Variants in EML6 observed in about 807,000 individuals in gnomAD.
The protein encoded by EML6 is echinoderm microtubule-associated protein-like 6.
A neutral mutation model predicts 240.1 loss-of-function variants in EML6; 154 were observed. That is an observed-to-expected ratio of 0.64 (90% CI 0.56 to 0.73). The LOEUF is 0.73. EML6 is among the 30% of genes least tolerant of loss of function. The pLI, the probability that EML6 is intolerant of heterozygous loss-of-function variation, is 0.00. For synonymous variants in EML6, 1,148 were observed against 899.0 expected, an observed-to-expected ratio of 1.28 and a Z score of -4.95; for missense variants, 2,964 against 2,474.6, an observed-to-expected ratio of 1.20 and a Z score of -4.20.
intron 2 of EML6, among the ~76,000 whole-genome samples, chr2:54,790,243 G>C (rs1669358718): frequency 6.6e-6 from 1 of 152,152 alleles, no homozygotes; most frequent in Admixed American, 6.6e-5. Flanking sequence ...TGTGTATGGT[G>C]ACAATTCATC....
chr2:54,730,232 A>T (rs1033481497), intron 2 of EML6, among the ~76,000 whole-genome samples: 23 of 150,970 alleles, frequency 1.5e-4, no homozygotes, highest in South Asian at 4.2e-4. Context: ...GATTTTAATT[A>T]AAAAAAATTA....
At chr2:54,880,615 T>C (rs1218429171) in intron 17 of EML6, 1 of 152,200 alleles carries the variant, frequency 6.6e-6, no homozygotes, top group African/African-American at 2.4e-5. Context: ...GCTGTTGAGA[T>C]TGAATTCTTG....
intron 25 of EML6, among the ~76,000 whole-genome samples, chr2:54,913,348 G>A (rs779595683): frequency 6.6e-6 from 1 of 151,712 alleles, no homozygotes; most frequent in South Asian, 2.1e-4. Flanking sequence ...GCCGGGCTTA[G>A]GTGATCTTCC....
chr2:54,735,298 T>A (rs929302830), intron 2 of EML6, among the ~76,000 whole-genome samples: 1 of 152,254 alleles, frequency 6.6e-6, no homozygotes, highest in African/African-American at 2.4e-5. Flanking sequence ...CATGTGTGTG[T>A]CCCTGTGCCT....
chr2:54,959,531 G>A (rs1676397739), intron 34 of EML6, among the ~76,000 whole-genome samples: 1 of 152,162 alleles, frequency 6.6e-6, no homozygotes, highest in South Asian at 2.1e-4. Flanking sequence ...GGAGGCCAAG[G>A]TGGGCAGATC....
intron 2 of EML6, among the ~76,000 whole-genome samples, chr2:54,811,881 G>C (rs1025156303): frequency 6.6e-6 from 1 of 152,128 alleles, no homozygotes; most frequent in African/African-American, 2.4e-5. Context: ...AAAGTTAAAA[G>C]CTTATAGCAT....
chr2:54,791,295 T>A lies in EML6; in HGVS notation c.198-21937T>A, dbSNP rs559409676. 6.6e-5 allele frequency among the ~76,000 whole-genome samples: 10 copies of A among 152,332 alleles called. No homozygotes were observed. In the East Asian group the frequency reaches 1.2e-3, roughly 18 times the overall value. On this transcript the variant is annotated intron_variant, in intron 2 of 41. Coordinates refer to ENST00000356458, the MANE Select transcript of EML6 (RefSeq NM_001039753.4). ...GCCGGTATGCTCACGCAAGTGGGTC[T>A]TTTTCTCATCTCTTTTGAAGATAAT...
chr2:54,817,388 G>T (rs1572945473), intron 4 of EML6, among the ~76,000 whole-genome samples: 1 of 152,262 alleles, frequency 6.6e-6, no homozygotes, highest in East Asian at 1.9e-4. Flanking sequence ...GATGAAGGGG[G>T]TATATACATA....
intron 24 of EML6, among the ~76,000 whole-genome samples, chr2:54,907,774 A>G (rs1673397343): frequency 6.6e-6 from 1 of 152,188 alleles, no homozygotes; most frequent in South Asian, 2.1e-4. Context: ...TAAAAATGTG[A>G]TTCTGAAAGG....
intron 17 of EML6, chr2:54,881,060 A>G (rs867825360): frequency 6.6e-6 from 1 of 152,206 alleles, no homozygotes; most frequent in African/African-American, 2.4e-5. Flanking sequence ...TAATAACACA[A>G]TTCATATTTG....
intron 2 of EML6, among the ~76,000 whole-genome samples, chr2:54,731,049 G>A (rs1683143012): frequency 6.6e-6 from 1 of 152,200 alleles, no homozygotes; most frequent in Non-Finnish European, 1.5e-5. Flanking sequence ...TTCCAGAGCA[G>A]CTCTCTAGGG....
At chr2:54,765,989 TTC>T (rs1048569322) in intron 2 of EML6, among the ~76,000 whole-genome samples, 26 of 152,276 alleles carry the variant, frequency 1.7e-4, no homozygotes, top group African/African-American at 5.5e-4. Context: ...TGCTTTAATA[TTC>T]TCTCTCTTAT....
In EML6 at chr2:54,952,696, G is replaced by A. The variant is rs911868244; in HGVS notation, c.4312+4G>A. ...GTGGTGGCCACCAGCCAGATAGGTA[G>A]GAGGTCCTGTGGCAGCTGAGGCTCT... is the stretch of plus-strand genomic sequence containing the variant. On this transcript the variant is annotated splice_donor_region_variant and intron_variant, in intron 31 of 41. Transcript: ENST00000356458. The A allele has an allele frequency of 1.5e-5, 23 of 1,547,140 alleles. No individual in the cohort carries two copies. The highest frequency in any genetic ancestry group is 1.9e-5 in the Non-Finnish European group (22 of 1,143,334).
At chr2:54,923,727 T>A (rs1277231740) in intron 26 of EML6, among the ~76,000 whole-genome samples, 1 of 152,132 alleles carries the variant, frequency 6.6e-6, no homozygotes. Context: ...TATATAAACA[T>A]CTCTTATGAA....
At chr2:54,892,921 G>T (rs1210012216) in intron 19 of EML6, among the ~76,000 whole-genome samples, 1 of 152,174 alleles carries the variant, frequency 6.6e-6, no homozygotes, top group African/African-American at 2.4e-5. Flanking sequence ...AGTCCCTTAA[G>T]AAGTGCCAGG....
chr2:54,767,089 T>A (rs925916827), intron 2 of EML6, among the ~76,000 whole-genome samples: 1 of 152,174 alleles, frequency 6.6e-6, no homozygotes, highest in African/African-American at 2.4e-5. Context: ...TGTGTCAAAA[T>A]TACCCTCCTT....
chr2:54,895,091 GT>G, intron 20 of EML6, 65 bp downstream of exon 20: 7 of 1,396,900 alleles, frequency 5.0e-6, no homozygotes, highest in Non-Finnish European at 6.9e-6. Flanking sequence ...TTGTACTAAA[GT>G]TTTTAGAAAA....
chr2:54,785,170 CTTTTTTTTTTTTT>C lies in EML6; in HGVS notation c.198-28051_198-28039del, dbSNP rs57639955. 1.3e-4 allele frequency among the ~76,000 whole-genome samples: 13 copies of C among 102,620 alleles called. 1 individual carries two copies. Among genetic ancestry groups the C allele is most frequent in the Admixed American group, 9.9e-4 (9 of 9,124 alleles). 67.3% of individuals were successfully genotyped at this position (102,620 alleles called of 152,430 possible). A position where few individuals can be genotyped will look rare whatever the true frequency, so the allele number is the denominator to read the frequency against. On this transcript the variant is annotated intron_variant, in intron 2 of 41. Coordinates refer to ENST00000356458, the MANE Select transcript of EML6 (RefSeq NM_001039753.4). Reference sequence around the variant, plus strand: ...AGATTTCCACCCCCCCACACACACACTTTTTTTTTTTTTTTTTTTTTTTAAGACGGAGTCTCAC... The same window carrying C: ...AGATTTCCACCCCCCCACACACACACTTTTTTTTTTAAGACGGAGTCTCAC...
At position 54,853,242 on chromosome 2, in the gene EML6, T is replaced by C. The variant is rs557849254; in HGVS notation, c.1445-401T>C. 1.1e-3 allele frequency among the ~76,000 whole-genome samples: 166 copies of C among 152,330 alleles called. 1 individual carries two copies. The highest frequency in any genetic ancestry group is 6.8e-3 in the Middle Eastern group (2 of 294). On this transcript the variant is annotated intron_variant, in intron 10 of 41. Coordinates refer to ENST00000356458, the MANE Select transcript of EML6 (RefSeq NM_001039753.4). ...ATGATAAAAGTCATTTCATTAATAA[T>C]ACAAAGCATAATACCATCTGTATCA...
Sources: allele counts gnomAD v4.1 joint callset (sites outside exome capture counted in the v4.1 genomes callset), GRCh38; gene constraint gnomAD v4.1.1; transcripts MANE v1.5; gene names NCBI Gene and HGNC (gene_info 2026-07-23, HGNC 2026-07-21).